Variants in SPIRE1 observed in about 807,000 individuals in gnomAD.
The protein encoded by SPIRE1 is protein spire homolog 1.
Under a neutral mutation model 94.1 loss-of-function variants are expected in SPIRE1, and 40 were observed. The ratio of observed to expected loss-of-function variants is 0.43; its 90% CI spans 0.33 to 0.55. The LOEUF (loss-of-function observed/expected upper bound fraction) is 0.55, where lower values mean the gene tolerates loss of function less well. SPIRE1 is among the 20% of genes least tolerant of loss of function. The probability of loss-of-function intolerance (pLI) is 0.06; values close to 1 mark genes in which losing one functional copy is unlikely to be tolerated. For synonymous variants in SPIRE1, 376 were observed against 371.7 expected (o/e 1.01, Z -0.13); for missense variants, 838 against 975.2 (o/e 0.86, Z 1.87).
intron 2 of SPIRE1, among the ~76,000 whole-genome samples, chr18:12,631,997 A>T (rs2037793857): frequency 6.6e-6 from 1 of 151,916 alleles, no homozygotes; most frequent in African/African-American, 2.4e-5. Context: ...GTGAGCCGTT[A>T]TCATGGCACT....
chr18:12,463,620 G>T, intron 11 of SPIRE1, 127 bp from the exon 12 acceptor site: 1 of 748,892 alleles, frequency 1.3e-6, no homozygotes, highest in Non-Finnish European at 2.1e-6. Context: ...ATTTTAAGAT[G>T]GTAATGGTAA....
chr18:12,519,610 TAATA>T (rs1262041135), intron 4 of SPIRE1, among the ~76,000 whole-genome samples: 3 of 152,198 alleles, frequency 2.0e-5, no homozygotes, highest in South Asian at 2.1e-4. Context: ...GTTATTTTCT[TAATA>T]AATAAAGACA....
intron 7 of SPIRE1, 114 bp from the exon 8 acceptor site, chr18:12,493,315 T>G (rs2033309905): frequency 1.0e-6 from 1 of 959,042 alleles, no homozygotes; most frequent in African/African-American, 1.7e-5. Flanking sequence ...CACTGCTTGA[T>G]AAAAGATTAC....
At chr18:12,496,793 C>T (rs2033475416) in intron 6 of SPIRE1, among the ~76,000 whole-genome samples, 1 of 152,086 alleles carries the variant, frequency 6.6e-6, no homozygotes, top group African/African-American at 2.4e-5. Context: ...GGCATGAACC[C>T]AGGAGGCGGA....
chr18:12,568,185 C>G (rs1598480182), intron 2 of SPIRE1, among the ~76,000 whole-genome samples: 1 of 152,362 alleles, frequency 6.6e-6, no homozygotes, highest in African/African-American at 2.4e-5. Flanking sequence ...TTTTCACAGT[C>G]ATGGTGAAAG....
chr18:12,469,662 T>C (rs1430542946), intron 10 of SPIRE1, among the ~76,000 whole-genome samples: 3 of 143,952 alleles, frequency 2.1e-5, no homozygotes, highest in Non-Finnish European at 4.5e-5. Context: ...TATTTACATA[T>C]AATTTATATA....
At chr18:12,643,861 T>A (rs1305963896) in intron 1 of SPIRE1, among the ~76,000 whole-genome samples, 3 of 151,940 alleles carry the variant, frequency 2.0e-5, no homozygotes, top group African/African-American at 7.3e-5. Flanking sequence ...TACTATTCTT[T>A]AAATATAAAT....
At chr18:12,607,538 GAC>G (rs891049680) in intron 2 of SPIRE1, among the ~76,000 whole-genome samples, 1 of 150,778 alleles carries the variant, frequency 6.6e-6, no homozygotes, top group Admixed American at 6.6e-5. Flanking sequence ...AGTCATTCAT[GAC>G]TAATAAGAAA....
chr18:12,578,652 C>A (rs554357266), intron 2 of SPIRE1, among the ~76,000 whole-genome samples: 2 of 152,228 alleles, frequency 1.3e-5, no homozygotes, highest in South Asian at 4.1e-4. Flanking sequence ...CCACTGTGAA[C>A]AGACTACCAG....
chr18:12,655,191 C>A (rs1178827812), intron 1 of SPIRE1, among the ~76,000 whole-genome samples: 1 of 149,950 alleles, frequency 6.7e-6, no homozygotes, highest in East Asian at 2.0e-4. Flanking sequence ...GCACTCCAGC[C>A]TTCAGCAGCC....
intron 4 of SPIRE1, among the ~76,000 whole-genome samples, chr18:12,530,025 T>C (rs772699366): frequency 1.3e-5 from 2 of 152,250 alleles, no homozygotes; most frequent in East Asian, 1.9e-4. Context: ...CAGTATTGAA[T>C]GTTACAGCTA....
chr18:12,651,888 C>T (rs76195993), intron 1 of SPIRE1, among the ~76,000 whole-genome samples: 11,350 of 152,088 alleles, frequency 0.075, 597 homozygotes, highest in Middle Eastern at 0.16. Flanking sequence ...TCAAGGGATC[C>T]CTTTATTAGT....
In SPIRE1 at chr18:12,555,091, A is replaced by T. The variant is rs577110587; in HGVS notation, c.373-8187T>A. Among the ~76,000 whole-genome samples, 5 of 152,136 alleles carry T rather than the reference A, an allele frequency of 3.3e-5. No homozygotes were observed. The South Asian group carries it at 8.3e-4, about 25-fold the overall frequency. On this transcript the variant is annotated intron_variant, in intron 2 of 16. Transcript: ENST00000409402. ...CGCTTGTTTTCCCACACATGGTTAC[A>T]TTTCTTCCCTGTATATAAACCCCTA... is the stretch of plus-strand genomic sequence containing the variant.
Position 12,657,438 on chromosome 18 carries a change from G to T in SPIRE1, c.337+92C>A, listed in dbSNP as rs2038580525. The T allele has an allele frequency of 1.1e-5, 12 of 1,052,390 alleles. No individual in the cohort carries two copies. The South Asian group carries it at 4.9e-4, about 43-fold the overall frequency. 65.2% of individuals were successfully genotyped at this position (1,052,390 alleles called of 1,614,324 possible). On this transcript the variant is annotated intron_variant, in intron 1 of 16. Transcript: ENST00000409402. ...TCCCGTGGCAAAATGGGGGGGGACG[G>T]CGGGGGCGGAAGGGCCGGGGACGCT...
intron 12 of SPIRE1, among the ~76,000 whole-genome samples, chr18:12,458,804 G>A (rs2031651502): frequency 6.6e-6 from 1 of 152,140 alleles, no homozygotes; most frequent in Non-Finnish European, 1.5e-5. Context: ...CTGCCCAAGA[G>A]CACATCTAAA....
chr18:12,486,327 T>TA (rs1402545407), intron 8 of SPIRE1, among the ~76,000 whole-genome samples: 1 of 152,200 alleles, frequency 6.6e-6, no homozygotes, highest in East Asian at 1.9e-4. Context: ...TATAGATTTT[T>TA]AAAAAAGCCA....
rs36109961 is a variant in SPIRE1, at chr18:12,502,754, C to G, written c.972+3723G>C. The stretch of plus-strand genomic sequence containing the variant: ...GATTAAAACAATGAAAACTGGAAAC[C>G]ATCAAATATCTATTAATAGGGGGCT... On this transcript the variant is annotated intron_variant, in intron 6 of 16. Coordinates refer to ENST00000409402, the MANE Select transcript of SPIRE1 (RefSeq NM_001128626.2). Among the ~76,000 whole-genome samples the G allele has an allele frequency of 3.3e-5, 5 of 151,884 alleles. No individual in the cohort carries two copies. The East Asian group carries it at 5.8e-4, about 18-fold the overall frequency.
chr18:12,657,062 T>C (rs1479688878), intron 1 of SPIRE1, among the ~76,000 whole-genome samples: 1 of 152,242 alleles, frequency 6.6e-6, no homozygotes, highest in Non-Finnish European at 1.5e-5. Context: ...GAGTGCGGTG[T>C]TTCCGACAGC....
In SPIRE1 at chr18:12,493,163, T is replaced by C. The variant is rs1026629533; in HGVS notation, c.1098A>G (p.Pro366=). The part of the protein sequence containing the change: ...ARKLKPTPPR[P]RSLHERILEE... Reference sequence around the variant, plus strand: ...CTAATATTCTTTCATGGAGGCTCCGTGGCCGTGGTGGAGTTGGTTTCAGTT... The same window carrying C: ...CTAATATTCTTTCATGGAGGCTCCGCGGCCGTGGTGGAGTTGGTTTCAGTT... Residue 366 remains proline, a synonymous_variant, in exon 8 of 17, where the codon CCA becomes CCG. Transcript: ENST00000409402. 24 of 1,613,522 alleles carry C rather than the reference T, an allele frequency of 1.5e-5. No individual in the cohort carries two copies. In the East Asian group the frequency reaches 5.1e-4, roughly 34 times the overall value.
Sources: gnomAD v4.1 joint callset for allele counts (sites outside exome capture counted in the v4.1 genomes callset) on GRCh38, gnomAD v4.1.1 for gene constraint, MANE v1.5 for transcripts, NCBI Gene and HGNC (gene_info 2026-07-23, HGNC 2026-07-21) for gene names.